TLE1: variants seen among roughly 807,000 people sequenced by gnomAD.
The protein encoded by TLE1 is TLE family member 1, transcriptional corepressor, also known as transducin-like enhancer protein 1.
A neutral mutation model predicts 89.8 loss-of-function variants in TLE1; 21 were observed. The ratio of observed to expected loss-of-function variants is 0.23; its 90% CI spans 0.17 to 0.34. The LOEUF (loss-of-function observed/expected upper bound fraction) is 0.34. TLE1 is among the 10% of genes least tolerant of loss of function. The probability of loss-of-function intolerance (pLI) is 1.00; values close to 1 mark genes in which losing one functional copy is unlikely to be tolerated. For missense variants in TLE1, 795 were observed against 1,031.2 expected, an observed-to-expected ratio of 0.77 and a Z score of 3.14; for synonymous variants, 447 against 407.6, an observed-to-expected ratio of 1.10 and a Z score of -1.16.
At chr9:81,686,651 GAAAC>G (rs1382104584) in intron 2 of TLE1, among the ~76,000 whole-genome samples, 1 of 152,196 alleles carries the variant, frequency 6.6e-6, no homozygotes, top group African/African-American at 2.4e-5. Context: ...ACAAGGGAAA[GAAAC>G]TAACCTTTCT....
At chr9:81,607,592 C>T (rs1831860842) in intron 14 of TLE1, among the ~76,000 whole-genome samples, 1 of 152,188 alleles carries the variant, frequency 6.6e-6, no homozygotes, top group Non-Finnish European at 1.5e-5. Flanking sequence ...TCATTGGTTA[C>T]TGGTATTACT....
At chr9:81,651,940 G>C (rs1283159002) in intron 6 of TLE1, among the ~76,000 whole-genome samples, 3 of 151,274 alleles carry the variant, frequency 2.0e-5, no homozygotes, top group East Asian at 2.0e-4. Context: ...CCAAGACCCC[G>C]GTCTGTTTAA....
chr9:81,633,283 G>C, intron 8 of TLE1, 65 bp downstream of exon 8: 3 of 1,596,052 alleles, frequency 1.9e-6, no homozygotes, highest in Non-Finnish European at 2.6e-6. Flanking sequence ...TTGTCAGAAG[G>C]GGACCGTGTG....
chr9:81,623,208 C>G (rs534000320), intron 8 of TLE1, among the ~76,000 whole-genome samples: 2 of 152,228 alleles, frequency 1.3e-5, no homozygotes, highest in South Asian at 4.1e-4. Context: ...AGGTGTTTTT[C>G]CCTCATGTTG....
intron 9 of TLE1, 47 bp from the exon 10 acceptor site, chr9:81,616,746 GT>G: frequency 6.2e-7 from 1 of 1,604,872 alleles, no homozygotes; most frequent in South Asian, 1.1e-5. Context: ...CTAAGAATAG[GT>G]TTGAGGCACA....
At chr9:81,584,417 C>A (rs758246946) in intron 19 of TLE1, 31 bp downstream of exon 19, 1 of 1,613,504 alleles carries the variant, frequency 6.2e-7, no homozygotes, top group Non-Finnish European at 8.5e-7. Flanking sequence ...TGTGGTCAAA[C>A]TGTGGATCTA....
intron 1 of TLE1, 140 bp from the exon 2 acceptor site, chr9:81,687,574 G>C (rs2129105): frequency 2.1e-5 from 13 of 627,554 alleles, no homozygotes; most frequent in Non-Finnish European, 3.1e-5. Context: ...ACTCGAGTTT[G>C]CCCTTCACTA....
At chr9:81,633,786 T>C (rs1827015520) in intron 7 of TLE1, 3 of 479,460 alleles carry the variant, frequency 6.3e-6, no homozygotes, top group Non-Finnish European at 1.1e-5. Context: ...CATTACTTTC[T>C]TTGAAAATTA....
intron 8 of TLE1, among the ~76,000 whole-genome samples, chr9:81,621,846 C>T (rs113041040): frequency 0.02 from 3,060 of 152,182 alleles, 112 homozygotes; most frequent in African/African-American, 0.069. Flanking sequence ...CCTCTTGGCC[C>T]GCCTCAGGGA....
At chr9:81,677,369 T>C (rs938118805) in intron 4 of TLE1, among the ~76,000 whole-genome samples, 2 of 151,792 alleles carry the variant, frequency 1.3e-5, no homozygotes, top group African/African-American at 2.4e-5. Flanking sequence ...ATCGAGACCA[T>C]CCTGGCTAAC....
chr9:81,645,506 C>CACCT (rs1828746218), intron 6 of TLE1, among the ~76,000 whole-genome samples: 1 of 151,952 alleles, frequency 6.6e-6, no homozygotes, highest in Admixed American at 6.6e-5. Context: ...TTTGAGAGGC[C>CACCT]GAGATGGGTG....
In TLE1 at chr9:81,633,302, TG is replaced by T. The variant is rs751777505; in HGVS notation, c.594+45del. ...CAGAAGGGGACCGTGTGTGTGTGTGTGTGTGTGTGTGTGTGTGTGTGTGCAG... is the reference window on the plus strand; with the variant it reads ...CAGAAGGGGACCGTGTGTGTGTGTGTTGTGTGTGTGTGTGTGTGTGTGCAG... On this transcript the variant is annotated intron_variant, in intron 8 of 19. Transcript: ENST00000376499. 10 of 861,114 alleles carry T rather than the reference TG, an allele frequency of 1.2e-5. No individual in the cohort carries two copies. The South Asian group carries it at 2.3e-4, about 20-fold the overall frequency. The allele number at this position is 861,114 out of a possible 1,614,324, so 53.3% of individuals were successfully genotyped here.
At chr9:81,587,562 A>G in intron 17 of TLE1, 119 bp downstream of exon 17, 1 of 1,306,718 alleles carries the variant, frequency 7.7e-7, no homozygotes, top group South Asian at 1.7e-5. Flanking sequence ...TCTCAAATTC[A>G]GCCCTGATCT....
At chr9:81,643,998 G>A (rs983503417) in intron 6 of TLE1, among the ~76,000 whole-genome samples, 2 of 152,168 alleles carry the variant, frequency 1.3e-5, no homozygotes, top group African/African-American at 4.8e-5. Context: ...TTGAAAAGAT[G>A]TTCAACATCA....
intron 14 of TLE1, among the ~76,000 whole-genome samples, chr9:81,609,515 A>C (rs1020138499): frequency 6.6e-6 from 1 of 152,228 alleles, no homozygotes; most frequent in African/African-American, 2.4e-5. Context: ...CTAATTACTA[A>C]CATTATGAAA....
chr9:81,672,600 A>G (rs1054805170), intron 4 of TLE1, among the ~76,000 whole-genome samples: 2 of 152,100 alleles, frequency 1.3e-5, no homozygotes, highest in East Asian at 1.9e-4. Context: ...ACTTTTGCAC[A>G]GTACTTTACA....
intron 6 of TLE1, among the ~76,000 whole-genome samples, chr9:81,634,843 G>C (rs546642726): frequency 6.6e-6 from 1 of 152,212 alleles, no homozygotes; most frequent in East Asian, 1.9e-4. Context: ...CCCTTGCATT[G>C]ACTTACCACA....
chr9:81,585,211 C>T (rs374614888), intron 18 of TLE1, among the ~76,000 whole-genome samples: 9 of 152,210 alleles, frequency 5.9e-5, no homozygotes, highest in African/African-American at 2.2e-4. Flanking sequence ...AATAAATTCC[C>T]GCCCACCCCT....
intron 14 of TLE1, among the ~76,000 whole-genome samples, chr9:81,597,858 T>C (rs748076579): frequency 2.6e-5 from 4 of 152,188 alleles, no homozygotes; most frequent in Non-Finnish European, 5.9e-5. Context: ...TGTGGTGAAC[T>C]GGAAAACAAG....
Sources: allele counts gnomAD v4.1 joint callset (sites outside exome capture counted in the v4.1 genomes callset), GRCh38; gene constraint gnomAD v4.1.1; transcripts MANE v1.5; gene names NCBI Gene and HGNC (gene_info 2026-07-23, HGNC 2026-07-21).